Variants in NDUFA8 observed in about 807,000 individuals in gnomAD.
NDUFA8 encodes NADH dehydrogenase [ubiquinone] 1 alpha subcomplex subunit 8.
Under a neutral mutation model 20.9 loss-of-function variants are expected in NDUFA8, and 16 were observed. The ratio of observed to expected loss-of-function variants is 0.77; its 90% CI spans 0.52 to 1.16. The LOEUF (loss-of-function observed/expected upper bound fraction) is 1.16. Ranked by LOEUF, NDUFA8 falls within the 50% of genes most tolerant of loss-of-function variation. NDUFA8 has a pLI of 0.00. For missense variants in NDUFA8, 202 were observed against 216.4 expected, an observed-to-expected ratio of 0.93 and a Z score of 0.42; for synonymous variants, 70 against 76.1, an observed-to-expected ratio of 0.92 and a Z score of 0.41.
intron 1 of NDUFA8, among the ~76,000 whole-genome samples, chr9:122,152,647 C>T (rs775001985): frequency 6.6e-5 from 10 of 151,580 alleles, no homozygotes; most frequent in Admixed American, 1.3e-4. Context: ...CTTCGGCCTC[C>T]GAGGCTCAAG....
chr9:122,141,805 T>TA (rs1487455598), downstream of NDUFA8, among the ~76,000 whole-genome samples: 1 of 152,212 alleles, frequency 6.6e-6, no homozygotes, highest in African/African-American at 2.4e-5. Context: ...TTTAATTACT[T>TA]AGACTCTTCT....
At chr9:122,158,758 A>G (rs1829122428) in intron 1 of NDUFA8, among the ~76,000 whole-genome samples, 1 of 148,794 alleles carries the variant, frequency 6.7e-6, no homozygotes, top group Admixed American at 6.7e-5. Flanking sequence ...TATATATGGT[A>G]TATATATATA....
Position 122,159,767 on chromosome 9 carries a change from G to GGCGCCT in NDUFA8, c.-96_-91dup. The GGCGCCT allele has an allele frequency of 1.9e-6, 3 of 1,589,834 alleles. No individual in the cohort carries two copies. Among genetic ancestry groups the GGCGCCT allele is most frequent in the Non-Finnish European group, 2.6e-6 (3 of 1,159,386 alleles). On this transcript the variant is annotated 5_prime_UTR_variant, in exon 1 of 4. Coordinates refer to ENST00000373768, the MANE Select transcript of NDUFA8 (RefSeq NM_014222.3). ...CCCTTTCGACCGCCGAGTGCCACACGGCGCCTGCGCATGCGCATCCGGCAA... is the reference window on the plus strand; with the variant it reads ...CCCTTTCGACCGCCGAGTGCCACACGGCGCCTGCGCCTGCGCATGCGCATCCGGCAA...
At chr9:122,154,377 A>C (rs1468569134) in intron 1 of NDUFA8, among the ~76,000 whole-genome samples, 1 of 152,232 alleles carries the variant, frequency 6.6e-6, no homozygotes, top group African/African-American at 2.4e-5. Flanking sequence ...TATTCAAGTC[A>C]TTCTTGTCCT....
intron 1 of NDUFA8, among the ~76,000 whole-genome samples, chr9:122,156,024 C>A (rs968782907): frequency 3.9e-5 from 6 of 152,198 alleles, no homozygotes; most frequent in African/African-American, 1.4e-4. Context: ...AGAACTAGAA[C>A]ACAGAGATTG....
intron 3 of NDUFA8, among the ~76,000 whole-genome samples, chr9:122,145,131 A>G (rs1416522802): frequency 6.6e-6 from 1 of 152,238 alleles, no homozygotes; most frequent in Admixed American, 6.5e-5. Context: ...TGGACAGGCC[A>G]GATGATAAAG....
At chr9:122,137,133 A>T in the NDUFA8 span, among the ~76,000 whole-genome samples, 5 of 152,130 alleles carry the variant, frequency 3.3e-5, no homozygotes. Flanking sequence ...GATCTCCGAA[A>T]GGTTTCTCTT....
chr9:122,155,526 G>C (rs1405183501), intron 1 of NDUFA8, among the ~76,000 whole-genome samples: 1 of 152,150 alleles, frequency 6.6e-6, no homozygotes, highest in African/African-American at 2.4e-5. Flanking sequence ...AATTATCAAA[G>C]ATAAAGTTAT....
chr9:122,133,080 T>C, the NDUFA8 span: 1 of 453,248 alleles, frequency 2.2e-6, no homozygotes, highest in Admixed American at 2.4e-5. Context: ...CCTTACTTCC[T>C]GCATTTCATG....
At chr9:122,145,395 C>T (rs1828891719) in intron 3 of NDUFA8, among the ~76,000 whole-genome samples, 1 of 152,174 alleles carries the variant, frequency 6.6e-6, no homozygotes, top group Non-Finnish European at 1.5e-5. Context: ...ACTGGAAAGC[C>T]AGCAGAAACT....
chr9:122,134,900 C>T, the NDUFA8 span, among the ~76,000 whole-genome samples: 54 of 152,326 alleles, frequency 3.5e-4, no homozygotes, highest in Middle Eastern at 6.8e-3. Context: ...CACGAGAGGG[C>T]GACTGCCTGC....
chr9:122,150,437 A>G (rs35903994), intron 2 of NDUFA8, among the ~76,000 whole-genome samples: 1 of 146,400 alleles, frequency 6.8e-6, no homozygotes, highest in Non-Finnish European at 1.5e-5. Flanking sequence ...AAAAAAAAAA[A>G]GCAATACAGT....
downstream of NDUFA8, among the ~76,000 whole-genome samples, chr9:122,143,572 A>G (rs1165123211): frequency 6.6e-6 from 1 of 152,182 alleles, no homozygotes; most frequent in Non-Finnish European, 1.5e-5. Flanking sequence ...TTGGAGCTGG[A>G]AGTTCAGCCT....
At chr9:122,137,962 A>C in the NDUFA8 span, among the ~76,000 whole-genome samples, 1 of 152,218 alleles carries the variant, frequency 6.6e-6, no homozygotes, top group African/African-American at 2.4e-5. Flanking sequence ...TATGGAAGAA[A>C]AGATGCTAAA....
chr9:122,137,055 C>A, the NDUFA8 span, among the ~76,000 whole-genome samples: 4 of 152,052 alleles, frequency 2.6e-5, no homozygotes, highest in African/African-American at 9.7e-5. Flanking sequence ...TTTCAGCCAG[C>A]CTGAATGCAG....
chr9:122,132,903 G>T, the NDUFA8 span: 1 of 455,996 alleles, frequency 2.2e-6, no homozygotes, highest in South Asian at 1.5e-5. Context: ...CTCCACCAGG[G>T]CTTGAGTTTC....
intron 3 of NDUFA8, among the ~76,000 whole-genome samples, chr9:122,145,520 T>C (rs545114937): frequency 1.7e-4 from 26 of 152,334 alleles, no homozygotes; most frequent in Middle Eastern, 3.4e-3. Context: ...AGTCACCTCA[T>C]GTAAAATGAC....
intron 1 of NDUFA8, 90 bp from the exon 2 acceptor site, chr9:122,152,498 C>G: frequency 2.5e-6 from 3 of 1,212,082 alleles, no homozygotes; most frequent in South Asian, 1.3e-5. Flanking sequence ...GAATAGAGAA[C>G]ACAAAAGTAG....
chr9:122,144,040 CAT>C (rs147832786), downstream of NDUFA8: 1,425 of 1,423,942 alleles, frequency 1.0e-3, 8 homozygotes, highest in African/African-American at 0.013. Flanking sequence ...TCACATAAAA[CAT>C]AATAAAATAC....
Sources: gnomAD v4.1 joint callset for allele counts (sites outside exome capture counted in the v4.1 genomes callset) on GRCh38, gnomAD v4.1.1 for gene constraint, MANE v1.5 for transcripts, NCBI Gene and HGNC (gene_info 2026-07-23, HGNC 2026-07-21) for gene names.